The following CPQ variants were observed in gnomAD, a reference collection of about 807,000 sequenced individuals.
CPQ encodes carboxypeptidase Q.
CPQ carries 37 observed loss-of-function variants against 45.7 expected under a neutral mutation model. The ratio of observed to expected loss-of-function variants is 0.81; its 90% CI spans 0.62 to 1.07. CPQ has a LOEUF of 1.07. Among genes scored for constraint, CPQ ranks in the 50% least tolerant of loss-of-function variants. The pLI is 0.00. For missense variants in CPQ, 537 were observed against 572.9 expected, an observed-to-expected ratio of 0.94 and a Z score of 0.64; for synonymous variants, 186 against 205.8, an observed-to-expected ratio of 0.90 and a Z score of 0.82.
At chr8:96,808,742 G>T (rs1336555407) in intron 2 of CPQ, among the ~76,000 whole-genome samples, 1 of 152,076 alleles carries the variant, frequency 6.6e-6, no homozygotes, top group Non-Finnish European at 1.5e-5. Context: ...GTTTTTCAAG[G>T]GTCTCATGGT....
At chr8:96,651,412 C>G (rs1815574731) in intron 1 of CPQ, among the ~76,000 whole-genome samples, 1 of 152,168 alleles carries the variant, frequency 6.6e-6, no homozygotes. Context: ...ATATTAGACC[C>G]AGAGTTATTC....
At chr8:97,044,027 G>T (rs1810186231) in intron 6 of CPQ, among the ~76,000 whole-genome samples, 3 of 152,202 alleles carry the variant, frequency 2.0e-5, no homozygotes, top group East Asian at 3.9e-4. Context: ...CTGAATGTTG[G>T]CCTGCCTTGC....
At chr8:96,853,184 C>T (rs1811793952) in intron 3 of CPQ, among the ~76,000 whole-genome samples, 1 of 152,218 alleles carries the variant, frequency 6.6e-6, no homozygotes, top group South Asian at 2.1e-4. Context: ...TTGGCCCTCA[C>T]TTTCCAGAAA....
chr8:97,048,001 G>T (rs1490263863), intron 6 of CPQ, among the ~76,000 whole-genome samples: 1 of 152,106 alleles, frequency 6.6e-6, no homozygotes. Context: ...TATATGTGAA[G>T]ACCCTCCAAA....
chr8:96,954,000 T>TTGA (rs1813311412), intron 4 of CPQ, among the ~76,000 whole-genome samples: 1 of 152,152 alleles, frequency 6.6e-6, no homozygotes, highest in Non-Finnish European at 1.5e-5. Context: ...CTCCAAGGTA[T>TTGA]TGATGGAAAT....
chr8:97,142,990 C>G (rs1310211183), intron 7 of CPQ, 30 bp from the exon 8 acceptor site: 2 of 1,609,418 alleles, frequency 1.2e-6, no homozygotes, highest in Non-Finnish European at 1.7e-6. Flanking sequence ...CAAAATACTC[C>G]ACTAAGAATT....
Position 97,143,247 on chromosome 8 carries a change from A to T in CPQ, c.*64A>T. On this transcript the variant is annotated 3_prime_UTR_variant, in exon 8 of 8. Transcript: ENST00000220763. ...GAATCCTGGGTCTGCAACTTTGGAA[A>T]ACTCCTCTTCACATAACAATTTCAT... is the stretch of plus-strand genomic sequence containing the variant. 2 of 1,511,716 alleles carry T rather than the reference A, an allele frequency of 1.3e-6. No individual in the cohort carries two copies. Among genetic ancestry groups the T allele is most frequent in the South Asian group, 2.3e-5 (2 of 85,202 alleles). The allele number at this position is 1,511,716 out of a possible 1,614,324, so 93.6% of individuals were successfully genotyped here. A position where few individuals can be genotyped will look rare whatever the true frequency, so the allele number is the denominator to read the frequency against.
At chr8:96,933,320 A>G (rs368694928) in intron 4 of CPQ, among the ~76,000 whole-genome samples, 1 of 152,314 alleles carries the variant, frequency 6.6e-6, no homozygotes, top group African/African-American at 2.4e-5. Context: ...TCAGCAGCCC[A>G]GGCCCATTTG....
intron 3 of CPQ, among the ~76,000 whole-genome samples, chr8:96,872,095 T>G (rs1812077931): frequency 6.6e-6 from 1 of 151,880 alleles, no homozygotes; most frequent in Non-Finnish European, 1.5e-5. Flanking sequence ...ATACTTGGGA[T>G]CAGAAATGTT....
chr8:96,880,648 G>A (rs1189045120), intron 4 of CPQ, among the ~76,000 whole-genome samples: 5 of 147,338 alleles, frequency 3.4e-5, no homozygotes, highest in South Asian at 2.1e-4. Flanking sequence ...CACAACTGAA[G>A]GCCATTATCC....
chr8:97,116,075 A>C (rs1245260768), intron 7 of CPQ, among the ~76,000 whole-genome samples: 1 of 152,216 alleles, frequency 6.6e-6, no homozygotes, highest in East Asian at 1.9e-4. Flanking sequence ...CAGGAAGAAA[A>C]GAGACAGAAA....
intron 4 of CPQ, among the ~76,000 whole-genome samples, chr8:96,916,329 C>T (rs1453076878): frequency 6.6e-6 from 1 of 152,040 alleles, no homozygotes; most frequent in Non-Finnish European, 1.5e-5. Flanking sequence ...CAGAAAGTTC[C>T]AGTATTCAAT....
intron 4 of CPQ, among the ~76,000 whole-genome samples, chr8:96,928,112 T>A (rs552650138): frequency 6.6e-6 from 1 of 152,252 alleles, no homozygotes; most frequent in African/African-American, 2.4e-5. Context: ...ATTACTCAAT[T>A]CATTTTATGG....
At position 96,926,606 on chromosome 8, in the gene CPQ, TTC is replaced by T. The variant is rs1212482124; in HGVS notation, c.850-39327_850-39326del. On this transcript the variant is annotated intron_variant, in intron 4 of 7. Transcript: ENST00000220763. ...CTTCTTCTTCTTCTTCTTCTTCTTCTTCTTCTTCTTCTTCTTCTCCTCCTTCT... is the reference window on the plus strand; with the variant it reads ...CTTCTTCTTCTTCTTCTTCTTCTTCTTTCTTCTTCTTCTTCTCCTCCTTCT... Among the ~76,000 whole-genome samples the T allele has an allele frequency of 4.0e-3, 593 of 148,160 alleles. 6 individuals carry two copies. Among genetic ancestry groups the T allele is most frequent in the Non-Finnish European group, 5.7e-3 (388 of 67,624 alleles).
At chr8:96,772,552 G>C (rs1054263956) in intron 1 of CPQ, among the ~76,000 whole-genome samples, 2 of 152,018 alleles carry the variant, frequency 1.3e-5, no homozygotes, top group Non-Finnish European at 2.9e-5. Context: ...GTATGTAGTA[G>C]GACAAGAAGA....
intron 7 of CPQ, among the ~76,000 whole-genome samples, chr8:97,110,233 T>C (rs1320923162): frequency 1.3e-5 from 2 of 152,182 alleles, no homozygotes; most frequent in Non-Finnish European, 2.9e-5. Context: ...CACACACGGG[T>C]ATGTATCATA....
chr8:96,645,731 A>G (rs1815511258), intron 1 of CPQ, among the ~76,000 whole-genome samples: 1 of 151,842 alleles, frequency 6.6e-6, no homozygotes, highest in Admixed American at 6.6e-5. Context: ...ACTTCCCCTC[A>G]GCTCCAGGGC....
intron 6 of CPQ, among the ~76,000 whole-genome samples, 196 bp from the exon 7 acceptor site, chr8:97,065,813 C>T (rs1245177845): frequency 6.6e-6 from 1 of 152,008 alleles, no homozygotes; most frequent in Admixed American, 6.6e-5. Flanking sequence ...TTGAGTTTGG[C>T]AAATCCTAGG....
rs2319920 is a variant in CPQ at position 96,730,870 on chromosome 8, T to C, written c.-34-53994T>C. Among the ~76,000 whole-genome samples, 276 of 33,712 alleles carry C rather than the reference T, an allele frequency of 8.2e-3. 7 individuals carry two copies. The East Asian group carries it at 0.15, about 18-fold the overall frequency. 22.1% of individuals were successfully genotyped at this position (33,712 alleles called of 152,430 possible). On this transcript the variant is annotated intron_variant, in intron 1 of 7. Transcript: ENST00000220763. ...TAGATCAATTAACCATACATACATA[T>C]ATATATATATATATATATATATGCA...
Sources: gnomAD v4.1 joint callset for allele counts (sites outside exome capture counted in the v4.1 genomes callset) on GRCh38, gnomAD v4.1.1 for gene constraint, MANE v1.5 for transcripts, NCBI Gene and HGNC (gene_info 2026-07-23, HGNC 2026-07-21) for gene names.